Variants in KAT8 observed in about 807,000 individuals in gnomAD.
KAT8 encodes lysine acetyltransferase 8.
KAT8 carries 40 observed loss-of-function variants against 62.9 expected under a neutral mutation model. That is an observed-to-expected ratio of 0.64 (90% CI 0.49 to 0.83). KAT8 has a LOEUF of 0.83. KAT8 is among the 40% of genes least tolerant of loss of function. The probability of loss-of-function intolerance (pLI) is 0.00; values close to 1 mark genes in which losing one functional copy is unlikely to be tolerated. For missense variants in KAT8, 387 were observed against 614.8 expected, an observed-to-expected ratio of 0.63 and a Z score of 3.92; for synonymous variants, 278 against 254.5, an observed-to-expected ratio of 1.09 and a Z score of -0.88.
In KAT8 at chr16:31,117,794, C is replaced by A; in HGVS notation, c.113C>A (p.Pro38Gln). 7.1e-7 allele frequency: 1 copy of A among 1,418,134 alleles called. No homozygotes were observed. The highest frequency in any genetic ancestry group is 9.3e-7 in the Non-Finnish European group (1 of 1,075,656). 87.8% of individuals were successfully genotyped at this position (1,418,134 alleles called of 1,614,324 possible). The change falls in exon 1 of 11, where the codon CCG becomes CAG. Residue 38 changes from proline to glutamine, a missense_variant. By Grantham distance (76) the Pro-to-Gln change is moderately conservative (BLOSUM62 -1). Coordinates refer to ENST00000219797, the MANE Select transcript of KAT8 (RefSeq NM_032188.3). ...NAAAEGTAPS[P>Q]GRVSPPTPAR... is the part of the protein sequence containing the mutation. ...GCCGCTGAGGGGACCGCCCCATCCCCGGGCCGCGTCTCTCCGCCGACCCCG... is the reference window on the plus strand; with the variant it reads ...GCCGCTGAGGGGACCGCCCCATCCCAGGGCCGCGTCTCTCCGCCGACCCCG...
chr16:31,121,525 T>G (rs1465675088), intron 3 of KAT8, among the ~76,000 whole-genome samples: 1 of 152,064 alleles, frequency 6.6e-6, no homozygotes, highest in Non-Finnish European at 1.5e-5. Flanking sequence ...AGACAGGAAT[T>G]TGATCAACCA....
chr16:31,128,416 G>A (rs2057549125), intron 6 of KAT8, among the ~76,000 whole-genome samples: 1 of 152,140 alleles, frequency 6.6e-6, no homozygotes, highest in Admixed American at 6.5e-5. Flanking sequence ...GTGGTGGTGC[G>A]CACCTGTAAT....
In KAT8 at chr16:31,130,000, C is replaced by G; in HGVS notation, c.772-17C>G. The G allele has an allele frequency of 6.2e-7, 1 of 1,613,950 alleles. No individual in the cohort carries two copies. The highest frequency in any genetic ancestry group is 1.3e-5 in the African/African-American group (1 of 75,050). On this transcript the variant is annotated splice_polypyrimidine_tract_variant and intron_variant, in intron 6 of 10. Coordinates refer to ENST00000219797, the MANE Select transcript of KAT8 (RefSeq NM_032188.3). ...GTGCCTGCCCCCTGAGCCTGTCTCC[C>G]CCCTCCTCAACCCTAGATTTACTGT...
In KAT8 at chr16:31,130,027, A is replaced by G. The variant is rs1461594076; in HGVS notation, c.782A>G (p.Gln261Arg). 1 of 1,614,192 alleles carries G rather than the reference A, an allele frequency of 6.2e-7. No individual in the cohort carries two copies. The highest frequency in any genetic ancestry group is 1.1e-5 in the South Asian group (1 of 91,088). ...CCTCCTCAACCCTAGATTTACTGTC[A>G]GAACCTGTGTCTGCTGGCCAAGCTT... ...VDGKDHKIYC[Q>R]NLCLLAKLFL... Residue 261 changes from glutamine (Q) to arginine (R), a missense_variant, in exon 7 of 11, where the codon CAG becomes CGG. This residue lies in a region of KAT8 where 141 missense variants were observed against 222.5 expected (regional missense o/e 0.63). Transcript: ENST00000219797.
chr16:31,123,321 A>T (rs1176386027), intron 3 of KAT8, among the ~76,000 whole-genome samples: 2 of 152,058 alleles, frequency 1.3e-5, no homozygotes, highest in African/African-American at 4.8e-5. Flanking sequence ...GATTCAAGTG[A>T]GTTTCCTGCC....
intron 7 of KAT8, 42 bp downstream of exon 7, chr16:31,130,199 C>T (rs752473830): frequency 1.5e-5 from 24 of 1,610,328 alleles, no homozygotes; most frequent in Non-Finnish European, 1.9e-5. Flanking sequence ...GTGGGGAGGG[C>T]GAAGGTGGGC....
chr16:31,118,270 C>T (rs1367723951), intron 1 of KAT8: 1 of 187,208 alleles, frequency 5.3e-6, no homozygotes, highest in African/African-American at 2.3e-5. Context: ...AGAGAGAAGA[C>T]CTTCCAGAAA....
chr16:31,118,114 C>G (rs1001117994), intron 1 of KAT8: 3 of 402,934 alleles, frequency 7.4e-6, no homozygotes, highest in Non-Finnish European at 1.3e-5. Context: ...GCCTACAAAC[C>G]CACCGCTCAG....
At chr16:31,124,884 C>T (rs2057522561) in intron 3 of KAT8, among the ~76,000 whole-genome samples, 1 of 151,936 alleles carries the variant, frequency 6.6e-6, no homozygotes. Context: ...AAAAAATTAG[C>T]CGGGCTTGCT....
chr16:31,124,844 A>G, intron 3 of KAT8, among the ~76,000 whole-genome samples: 1 of 151,978 alleles, frequency 6.6e-6, no homozygotes, highest in East Asian at 1.9e-4. Context: ...CCTGGCCAAC[A>G]TGGTGAAACC....
rs1429470667 is a variant in KAT8, at chr16:31,130,162, T to G, written c.912+5T>G. On this transcript the variant is annotated splice_donor_5th_base_variant and intron_variant, in intron 7 of 10. Transcript: ENST00000219797. ...ATTGTTGGCTACTTCTCCAAGGTGC[T>G]GGGTCTGGAAACTCGGGGTGGGGAG... 1 of 807,808 alleles carries G rather than the reference T, an allele frequency of 1.2e-6. No homozygotes were observed. Among genetic ancestry groups the G allele is most frequent in the Admixed American group, 2.4e-5 (1 of 41,054 alleles). The allele number at this position is 807,808 out of a possible 1,614,324, so 50.0% of individuals were successfully genotyped here. A position where few individuals can be genotyped will look rare whatever the true frequency, so the allele number is the denominator to read the frequency against.
intron 3 of KAT8, 192 bp downstream of exon 3, chr16:31,120,706 G>C (rs934443603): frequency 5.4e-5 from 30 of 556,242 alleles, no homozygotes; most frequent in Non-Finnish European, 9.1e-5. Flanking sequence ...TAAGGGCTTC[G>C]CTGCAGTCTC....
chr16:31,118,103 C>T (rs1305693437), intron 1 of KAT8: 6 of 408,086 alleles, frequency 1.5e-5, no homozygotes, highest in South Asian at 8.7e-5. Flanking sequence ...TGCCGAGCGA[C>T]GCCTACAAAC....
At chr16:31,125,481 G>A (rs960853866) in intron 3 of KAT8, 1 of 152,014 alleles carries the variant, frequency 6.6e-6, no homozygotes. Flanking sequence ...GCATGTGCCT[G>A]TAGTCCCAGC....
intron 3 of KAT8, chr16:31,123,638 CTGAG>C (rs1272317872): frequency 1.3e-5 from 2 of 152,240 alleles, no homozygotes; most frequent in African/African-American, 4.8e-5. Context: ...TCCCAAGTAT[CTGAG>C]ATTACAGGCG....
intron 1 of KAT8, chr16:31,118,123 AG>A: frequency 2.5e-6 from 1 of 398,180 alleles, no homozygotes. Context: ...CCCACCGCTC[AG>A]GCCTTCACCA....
chr16:31,128,961 C>T (rs1320829529), intron 6 of KAT8, among the ~76,000 whole-genome samples: 4 of 152,220 alleles, frequency 2.6e-5, no homozygotes, highest in Non-Finnish European at 5.9e-5. Flanking sequence ...TGGTTTCCCG[C>T]AGATGGGCCA....
chr16:31,119,147 A>AT (rs554637171), intron 1 of KAT8, among the ~76,000 whole-genome samples: 20 of 150,852 alleles, frequency 1.3e-4, no homozygotes, highest in African/African-American at 2.2e-4. Context: ...AATTTTGTGT[A>AT]TTTTTTTTTG....
intron 1 of KAT8, among the ~76,000 whole-genome samples, chr16:31,119,464 A>G (rs1280976208): frequency 1.3e-5 from 2 of 152,134 alleles, no homozygotes; most frequent in African/African-American, 4.8e-5. Flanking sequence ...TTATACATTA[A>G]TGTAGGTTAT....
Sources: gnomAD v4.1 joint callset for allele counts (sites outside exome capture counted in the v4.1 genomes callset) on GRCh38, gnomAD v4.1.1 for gene constraint, gnomAD v4.1.1 regional missense constraint, MANE v1.5 for transcripts, NCBI Gene and HGNC (gene_info 2026-07-23, HGNC 2026-07-21) for gene names.